Variants in CCDC3 observed in about 807,000 individuals in gnomAD.
CCDC3 encodes coiled-coil domain containing 3.
CCDC3 carries 24 observed loss-of-function variants against 21.4 expected under a neutral mutation model. The ratio of observed to expected loss-of-function variants is 1.12; its 90% CI spans 0.81 to 1.58. The LOEUF is 1.58. CCDC3 is among the 40% of genes most tolerant of loss of function. The pLI is 0.00. For synonymous variants in CCDC3, 186 were observed against 166.0 expected (o/e 1.12, Z -0.93); for missense variants, 425 against 360.9 (o/e 1.18, Z -1.44).
chr10:12,960,565 C>T (rs1002815742), intron 2 of CCDC3, among the ~76,000 whole-genome samples: 10 of 152,286 alleles, frequency 6.6e-5, no homozygotes, highest in Middle Eastern at 3.4e-3. Flanking sequence ...AGATGCTGGA[C>T]GTGCCTCCAG....
intron 5 of CCDC3, among the ~76,000 whole-genome samples, chr10:13,044,156 CT>C (rs1407409978): frequency 6.6e-5 from 10 of 152,134 alleles, no homozygotes; most frequent in Non-Finnish European, 1.5e-4. Flanking sequence ...TGTACAGCTT[CT>C]TTTGAGAAGT....
chr10:12,957,954 C>A (rs1835118726), intron 2 of CCDC3, among the ~76,000 whole-genome samples: 1 of 152,038 alleles, frequency 6.6e-6, no homozygotes, highest in Non-Finnish European at 1.5e-5. Flanking sequence ...CTCAGCCTCC[C>A]AAATAGGTGG....
rs572805812 is a variant in CCDC3 at position 12,951,903 on chromosome 10, G to C, written c.549+46435C>G. ...CATACACAGTGGAGAGGGATCGCTG[G>C]TGTTTTTGTAAGAACTCCTCTTTTT... On this transcript the variant is annotated intron_variant, in intron 2 of 2. Transcript: ENST00000378825. Among the ~76,000 whole-genome samples the C allele has an allele frequency of 2.0e-5, 3 of 151,712 alleles. No homozygotes were observed. The East Asian group carries it at 5.8e-4, about 29-fold the overall frequency.
At chr10:13,075,812 G>T (rs949757557) in intron 3 of CCDC3, among the ~76,000 whole-genome samples, 6 of 152,126 alleles carry the variant, frequency 3.9e-5, no homozygotes, top group Non-Finnish European at 7.3e-5. Context: ...ACTTTCAGTG[G>T]CCAAGGTGAG....
At chr10:13,025,608 G>A (rs758493746) in intron 5 of CCDC3, among the ~76,000 whole-genome samples, 6 of 152,074 alleles carry the variant, frequency 3.9e-5, no homozygotes, top group African/African-American at 9.7e-5. Context: ...AACTACCATC[G>A]AACCTGTTTT....
In CCDC3 at chr10:13,001,696, C is replaced by T. The variant is rs1835859068; in HGVS notation, c.-126G>A. The stretch of plus-strand genomic sequence containing the variant: ...CGGGAGCTGAGCGCACCGCTGTCTC[C>T]GCCACGGGGCTCGGCATGCCCGGCC... On this transcript the variant is annotated 5_prime_UTR_variant, in exon 1 of 3. Transcript: ENST00000378825. The T allele has an allele frequency of 3.4e-6, 2 of 581,442 alleles. No individual in the cohort carries two copies. Among genetic ancestry groups the T allele is most frequent in the Non-Finnish European group, 4.4e-6 (2 of 453,286 alleles). 36.0% of individuals were successfully genotyped at this position (581,442 alleles called of 1,614,324 possible). A position where few individuals can be genotyped will look rare whatever the true frequency, so the allele number is the denominator to read the frequency against.
At chr10:13,060,068 GTGAGAC>G (rs1836735751) in intron 4 of CCDC3, among the ~76,000 whole-genome samples, 1 of 152,168 alleles carries the variant, frequency 6.6e-6, no homozygotes, top group Non-Finnish European at 1.5e-5. Context: ...TGACAACAGA[GTGAGAC>G]TCCATCTCAA....
At chr10:13,085,419 T>C (rs988645538) in intron 3 of CCDC3, among the ~76,000 whole-genome samples, 18 of 152,226 alleles carry the variant, frequency 1.2e-4, no homozygotes, top group African/African-American at 3.4e-4. Flanking sequence ...TACATGCCCA[T>C]TGAATTTAAC....
In CCDC3 at chr10:13,034,301, T is replaced by C. The variant is rs555796667; in HGVS notation, c.-2+15373A>G. ...GGTGGGAATTGAACAATGAGAACAC[T>C]TGGACACAGGGTGGAGAACATCACA... is the stretch of plus-strand genomic sequence containing the variant. On this transcript the variant is annotated intron_variant, in intron 5 of 6. Coordinates refer to the CCDC3 transcript ENST00000378839. Among the ~76,000 whole-genome samples the C allele has an allele frequency of 3.8e-5, 5 of 130,264 alleles. No homozygotes were observed. The South Asian group carries it at 9.7e-4, about 25-fold the overall frequency. The allele number at this position is 130,264 out of a possible 152,430, so 85.5% of individuals were successfully genotyped here. A position where few individuals can be genotyped will look rare whatever the true frequency, so the allele number is the denominator to read the frequency against.
chr10:12,900,524 A>C (rs1349109613), intron 2 of CCDC3, among the ~76,000 whole-genome samples: 3 of 3,184 alleles, frequency 9.4e-4, no homozygotes, highest in African/African-American at 1.5e-3. Context: ...TAAAAATACA[A>C]AAAAAAAAAA....
intron 5 of CCDC3, among the ~76,000 whole-genome samples, chr10:13,014,280 C>T (rs1836021416): frequency 6.6e-6 from 1 of 151,184 alleles, no homozygotes; most frequent in South Asian, 2.1e-4. Context: ...GAAACCTCAT[C>T]TCTACTAAAA....
In CCDC3 at chr10:13,093,269, G is replaced by C. The variant is rs183254440; in HGVS notation, c.-503+5256C>G. Among the ~76,000 whole-genome samples the C allele has an allele frequency of 4.0e-4, 61 of 152,302 alleles. No homozygotes were observed. In the East Asian group the frequency reaches 6.2e-3, roughly 15 times the overall value. ...ATCTTACATGGCGGCAGGCAAGAGA[G>C]AGAATGAGAACCAAGTGAAAGGGGT... On this transcript the variant is annotated intron_variant, in intron 3 of 6. Transcript: ENST00000378839.
At chr10:13,088,011 A>G (rs1837133383) in intron 3 of CCDC3, among the ~76,000 whole-genome samples, 1 of 152,238 alleles carries the variant, frequency 6.6e-6, no homozygotes, top group Non-Finnish European at 1.5e-5. Context: ...CGTTTGAGAA[A>G]GGAGTTACTT....
At chr10:12,915,992 G>A (rs1273074562) in intron 2 of CCDC3, among the ~76,000 whole-genome samples, 1 of 152,060 alleles carries the variant, frequency 6.6e-6, no homozygotes, top group East Asian at 1.9e-4. Context: ...TGGAGCCTGG[G>A]TTCACAGTGG....
chr10:12,945,043 T>C (rs1589016555), intron 2 of CCDC3, among the ~76,000 whole-genome samples: 1 of 152,326 alleles, frequency 6.6e-6, no homozygotes, highest in East Asian at 1.9e-4. Flanking sequence ...CCCCTATAGC[T>C]TTTTATTAGA....
intron 3 of CCDC3, among the ~76,000 whole-genome samples, chr10:13,097,092 G>GAAC (rs1469562362): frequency 2.6e-5 from 4 of 152,170 alleles, no homozygotes; most frequent in Admixed American, 2.6e-4. Context: ...GGTGGAAAGG[G>GAAC]AACACAAGGA....
At chr10:12,936,257 TTAAA>T (rs1378615363) in intron 2 of CCDC3, among the ~76,000 whole-genome samples, 5 of 152,204 alleles carry the variant, frequency 3.3e-5, no homozygotes, top group African/African-American at 1.2e-4. Flanking sequence ...TCTCAGCACT[TTAAA>T]TATTTTTTTC....
chr10:13,047,143 C>T (rs1321301724), intron 5 of CCDC3, among the ~76,000 whole-genome samples: 2 of 152,118 alleles, frequency 1.3e-5, no homozygotes, highest in Non-Finnish European at 2.9e-5. Flanking sequence ...ATTCAGTTCT[C>T]ACCAGAACAA....
intron 2 of CCDC3, among the ~76,000 whole-genome samples, chr10:12,944,061 T>C (rs905885731): frequency 1.3e-5 from 2 of 152,164 alleles, no homozygotes; most frequent in African/African-American, 4.8e-5. Context: ...GCAGAGTCTT[T>C]GTAGCAGTAA....
Sources: gnomAD v4.1 joint callset for allele counts (sites outside exome capture counted in the v4.1 genomes callset) on GRCh38, gnomAD v4.1.1 for gene constraint, MANE v1.5 for transcripts, NCBI Gene and HGNC (gene_info 2026-07-23, HGNC 2026-07-21) for gene names.